BABAM2: variants seen among roughly 807,000 people sequenced by gnomAD.
BABAM2 encodes the protein BRISC and BRCA1 A complex member 2.
BABAM2 carries 31 observed loss-of-function variants against 54.7 expected under a neutral mutation model. The observed-to-expected ratio is 0.57, with a 90% CI of 0.43 to 0.77. BABAM2 has a LOEUF of 0.77. Ranked by LOEUF, BABAM2 falls within the 30% of genes least tolerant of loss-of-function variation. BABAM2 has a pLI of 0.00. For synonymous variants in BABAM2, 167 were observed against 162.9 expected (o/e 1.03, Z -0.19); for missense variants, 364 against 455.8 (o/e 0.80, Z 1.83).
At chr2:28,090,145 A>T (rs1190392809) in intron 6 of BABAM2, among the ~76,000 whole-genome samples, 3 of 152,342 alleles carry the variant, frequency 2.0e-5, no homozygotes, top group East Asian at 1.9e-4. Context: ...AACTCCTAGT[A>T]CATGAGTAAA....
At chr2:28,145,651 G>A (rs1370693772) in intron 7 of BABAM2, among the ~76,000 whole-genome samples, 1 of 152,108 alleles carries the variant, frequency 6.6e-6, no homozygotes, top group South Asian at 2.1e-4. Context: ...TTGCAGAGTT[G>A]TGCAGCCATC....
chr2:28,158,462 C>T (rs1386174829), intron 7 of BABAM2, among the ~76,000 whole-genome samples: 2 of 152,212 alleles, frequency 1.3e-5, no homozygotes, highest in African/African-American at 4.8e-5. Context: ...CAGTTTATGC[C>T]TCATGGCGGC....
chr2:27,901,042 C>CAA (rs553293287), intron 2 of BABAM2, among the ~76,000 whole-genome samples: 10 of 83,560 alleles, frequency 1.2e-4, no homozygotes, highest in Non-Finnish European at 1.4e-4. Context: ...GACTCTGTCT[C>CAA]AAAAAAAAAA....
At position 28,036,831 on chromosome 2, in the gene BABAM2, C is replaced by T. The variant is rs554855680; in HGVS notation, c.496-8894C>T. On this transcript the variant is annotated intron_variant, in intron 5 of 11. Transcript: ENST00000379624. The stretch of plus-strand genomic sequence containing the variant: ...CCGATTAAATTACTTCCAAAGCGTC[C>T]TGTGAATATCTCTGTCAAAACACTT... Among the ~76,000 whole-genome samples, 13 of 152,276 alleles carry T rather than the reference C, an allele frequency of 8.5e-5. No individual in the cohort carries two copies. In the South Asian group the frequency reaches 2.7e-3, roughly 32 times the overall value.
At chr2:28,013,692 C>G in intron 4 of BABAM2, among the ~76,000 whole-genome samples, 1 of 85,856 alleles carries the variant, frequency 1.2e-5, no homozygotes, top group Non-Finnish European at 2.2e-5. Flanking sequence ...AAAAAAAGCT[C>G]TTACACACAC....
chr2:27,981,790 G>A (rs1394983847), intron 3 of BABAM2, among the ~76,000 whole-genome samples: 2 of 151,872 alleles, frequency 1.3e-5, no homozygotes, highest in African/African-American at 4.8e-5. Flanking sequence ...CCACTTTTTG[G>A]CGATTGTGCA....
chr2:28,028,041 A>C (rs1220937151), intron 5 of BABAM2, among the ~76,000 whole-genome samples: 1 of 152,140 alleles, frequency 6.6e-6, no homozygotes, highest in East Asian at 1.9e-4. Flanking sequence ...AGGGTCTCTC[A>C]CAGGCTGTGC....
At chr2:28,226,564 G>T (rs1038702444) in intron 7 of BABAM2, among the ~76,000 whole-genome samples, 1 of 152,188 alleles carries the variant, frequency 6.6e-6, no homozygotes, top group Non-Finnish European at 1.5e-5. Flanking sequence ...GTGAATACGT[G>T]TAGAATGTCT....
intron 9 of BABAM2, among the ~76,000 whole-genome samples, chr2:28,241,648 C>A: frequency 6.6e-6 from 1 of 152,136 alleles, no homozygotes; most frequent in East Asian, 1.9e-4. Context: ...GCATGGGCCA[C>A]CACACCCAGC....
intron 10 of BABAM2, among the ~76,000 whole-genome samples, chr2:28,260,967 C>T (rs1277532741): frequency 1.6e-5 from 2 of 124,330 alleles, no homozygotes; most frequent in African/African-American, 3.1e-5. Flanking sequence ...TTTGAGATGA[C>T]GTCTCACTCT....
At chr2:28,227,861 T>C (rs763925293) in intron 7 of BABAM2, among the ~76,000 whole-genome samples, 2 of 152,208 alleles carry the variant, frequency 1.3e-5, no homozygotes, top group African/African-American at 4.8e-5. Flanking sequence ...TGAATAAACC[T>C]AGTAAATTGC....
chr2:28,241,772 C>T (rs762848994), intron 9 of BABAM2, among the ~76,000 whole-genome samples: 9 of 151,756 alleles, frequency 5.9e-5, no homozygotes, highest in South Asian at 2.1e-4. Context: ...GGATTACAGG[C>T]GTGAGCCACC....
In BABAM2 at chr2:28,321,712, G is replaced by T. The variant is rs116496525; in HGVS notation, c.1089-16738G>T. ...GTCTTTTCAGGCAAAAAGCAAACCA[G>T]CAGGGACCCAGAAATCACTCTAGGG... On this transcript the variant is annotated intron_variant, in intron 11 of 11. Transcript: ENST00000379624. Among the ~76,000 whole-genome samples, 595 of 152,244 alleles carry T rather than the reference G, an allele frequency of 3.9e-3. 6 individuals carry two copies. Among genetic ancestry groups the T allele is most frequent in the African/African-American group, 0.013 (551 of 41,552 alleles).
chr2:28,228,051 A>G (rs1056630500), intron 7 of BABAM2, among the ~76,000 whole-genome samples: 1 of 152,190 alleles, frequency 6.6e-6, no homozygotes, highest in Admixed American at 6.5e-5. Context: ...TCTCTCTACA[A>G]TGAGTATGTT....
intron 7 of BABAM2, among the ~76,000 whole-genome samples, chr2:28,190,190 G>C (rs564000472): frequency 7.2e-5 from 11 of 152,202 alleles, no homozygotes; most frequent in Non-Finnish European, 1.6e-4. Context: ...TATAGGTATT[G>C]TCTTAGTTCA....
chr2:27,899,356 T>G (rs1665595193), intron 2 of BABAM2, among the ~76,000 whole-genome samples: 1 of 152,180 alleles, frequency 6.6e-6, no homozygotes, highest in Admixed American at 6.5e-5. Flanking sequence ...TAAAGTCTTG[T>G]TGCTTCTTTT....
intron 10 of BABAM2, among the ~76,000 whole-genome samples, chr2:28,287,733 A>G (rs1686943051): frequency 6.6e-6 from 1 of 152,192 alleles, no homozygotes; most frequent in African/African-American, 2.4e-5. Flanking sequence ...ACACAGAGCC[A>G]GGCCCGAGGA....
chr2:28,271,213 A>G (rs148327612), intron 10 of BABAM2, among the ~76,000 whole-genome samples: 1 of 152,330 alleles, frequency 6.6e-6, no homozygotes, highest in East Asian at 1.9e-4. Context: ...ACACAGGTGT[A>G]AGGTCTTAGG....
In BABAM2 at chr2:27,894,604, T is replaced by C; in HGVS notation, c.48T>C (p.Pro16=). Residue 16 remains proline, a synonymous_variant, in exon 2 of 12, where the codon CCT becomes CCC. Coordinates refer to ENST00000379624, the MANE Select transcript of BABAM2 (RefSeq NM_199191.3). ...ALNRISPMLS[P]FISSVVRNGK... is the part of the protein sequence containing the mutation. ...ACCGAATATCTCCAATGCTCTCCCCTTTCATATCTAGCGTGGTCCGGAATG... is the reference window on the plus strand; with the variant it reads ...ACCGAATATCTCCAATGCTCTCCCCCTTCATATCTAGCGTGGTCCGGAATG... 2 of 1,613,974 alleles carry C rather than the reference T, an allele frequency of 1.2e-6. No individual in the cohort carries two copies. Among genetic ancestry groups the C allele is most frequent in the Non-Finnish European group, 1.7e-6 (2 of 1,179,864 alleles).
Sources: allele counts gnomAD v4.1 joint callset (sites outside exome capture counted in the v4.1 genomes callset), GRCh38; gene constraint gnomAD v4.1.1; transcripts MANE v1.5; gene names NCBI Gene and HGNC (gene_info 2026-07-23, HGNC 2026-07-21).